Variants in B3GALT1 observed in about 807,000 individuals in gnomAD.
B3GALT1 encodes UDP-Gal:betaGlcNAc beta 1,3-galactosyltransferase, polypeptide 1.
B3GALT1 carries 10 observed loss-of-function variants against 23.2 expected under a neutral mutation model. The ratio of observed to expected loss-of-function variants is 0.43; its 90% confidence interval spans 0.27 to 0.73. The LOEUF is 0.73. B3GALT1 is among the 30% of genes least tolerant of loss of function. The pLI, the probability that B3GALT1 is intolerant of heterozygous loss-of-function variation, is 0.21. For synonymous variants in B3GALT1, 156 were observed against 141.5 expected, an observed-to-expected ratio of 1.10 and a Z score of -0.73; for missense variants, 299 against 405.4, an observed-to-expected ratio of 0.74 and a Z score of 2.25.
intron 1 of B3GALT1, among the ~76,000 whole-genome samples, chr2:167,430,582 A>G (rs534828995): frequency 3.3e-5 from 5 of 151,992 alleles, no homozygotes; most frequent in Non-Finnish European, 7.4e-5. Context: ...GAGTTTTTTG[A>G]AGTTAGAATC....
At chr2:167,296,665 A>G (rs989707546) in intron 1 of B3GALT1, among the ~76,000 whole-genome samples, 1 of 152,204 alleles carries the variant, frequency 6.6e-6, no homozygotes, top group Non-Finnish European at 1.5e-5. Flanking sequence ...GTTTATTCAA[A>G]TAACATTTAA....
At chr2:167,777,904 G>C (rs1345035278) in intron 3 of B3GALT1, among the ~76,000 whole-genome samples, 1 of 151,870 alleles carries the variant, frequency 6.6e-6, no homozygotes, top group Non-Finnish European at 1.5e-5. Context: ...AGACAGTTCT[G>C]GTTGTCACAT....
intron 3 of B3GALT1, among the ~76,000 whole-genome samples, chr2:167,668,847 C>T (rs967498118): frequency 1.3e-5 from 2 of 152,218 alleles, no homozygotes; most frequent in African/African-American, 4.8e-5. Context: ...CGCCCACTGT[C>T]TGGCACTCCC....
chr2:167,609,858 T>A (rs931937216), intron 2 of B3GALT1, among the ~76,000 whole-genome samples: 2 of 152,032 alleles, frequency 1.3e-5, no homozygotes, highest in Non-Finnish European at 2.9e-5. Context: ...ATGGTGTAAG[T>A]GCAAGCAGGA....
intron 2 of B3GALT1, among the ~76,000 whole-genome samples, chr2:167,550,674 G>T (rs919366424): frequency 6.6e-6 from 1 of 152,204 alleles, no homozygotes; most frequent in African/African-American, 2.4e-5. Context: ...ATGGAAAGTG[G>T]TGCATTTTTC....
chr2:167,469,452 T>C (rs1165837281), intron 1 of B3GALT1, among the ~76,000 whole-genome samples: 1 of 152,236 alleles, frequency 6.6e-6, no homozygotes, highest in Non-Finnish European at 1.5e-5. Flanking sequence ...TATGAAATTT[T>C]GAAATTTTAA....
chr2:167,538,158 C>T (rs373742116), intron 2 of B3GALT1, among the ~76,000 whole-genome samples: 3 of 152,028 alleles, frequency 2.0e-5, no homozygotes, highest in Non-Finnish European at 4.4e-5. Flanking sequence ...GTTCCCCCAG[C>T]GTATTACTTT....
At chr2:167,668,917 C>G (rs957234784) in intron 3 of B3GALT1, among the ~76,000 whole-genome samples, 4 of 152,212 alleles carry the variant, frequency 2.6e-5, no homozygotes, top group African/African-American at 9.6e-5. Context: ...TTCTGCGTCG[C>G]TCACGCTGGG....
At chr2:167,476,874 A>T (rs1297496311) in intron 1 of B3GALT1, among the ~76,000 whole-genome samples, 1 of 152,220 alleles carries the variant, frequency 6.6e-6, no homozygotes, top group Non-Finnish European at 1.5e-5. Context: ...CCAAATGTGA[A>T]GAAAAGAGAA....
chr2:167,573,116 G>A (rs1684324097), intron 2 of B3GALT1, among the ~76,000 whole-genome samples: 1 of 151,790 alleles, frequency 6.6e-6, no homozygotes, highest in East Asian at 1.9e-4. Flanking sequence ...GATGTGCTGA[G>A]ATAAGACAGG....
intron 3 of B3GALT1, among the ~76,000 whole-genome samples, chr2:167,708,230 G>A (rs1236957737): frequency 1.3e-5 from 2 of 152,334 alleles, no homozygotes; most frequent in Non-Finnish European, 2.9e-5. Flanking sequence ...CCTGAAGTGT[G>A]AGGAGACAGA....
At chr2:167,310,395 TGGAAGGATA>T (rs1356493893) in intron 1 of B3GALT1, among the ~76,000 whole-genome samples, 2 of 152,024 alleles carry the variant, frequency 1.3e-5, no homozygotes, top group Admixed American at 1.3e-4. Context: ...AAAACACTGA[TGGAAGGATA>T]GGAAGTGTAT....
chr2:167,869,284 T>A lies in B3GALT1; in HGVS notation c.245T>A (p.Ile82Asn). The A allele has an allele frequency of 6.2e-7, 1 of 1,614,176 alleles. No individual in the cohort carries two copies. The highest frequency in any genetic ancestry group is 8.5e-7 in the Non-Finnish European group (1 of 1,180,042). The change falls in exon 5 of 5, where the codon ATC (isoleucine) becomes AAC (asparagine). Residue 82 changes from isoleucine to asparagine, a missense_variant. Around this residue, in one of 3 missense-constraint regions of B3GALT1, gnomAD observed 162 missense variants for 184.1 expected, o/e 0.88. Transcript: ENST00000392690. This position sits in a 1 kb window ranked among gnomAD's most constrained non-coding sequence, Gnocchi z 6.4. Reference sequence around the variant, plus strand: ...GAGAAAAACATTCCTTTTCTTGTTATCCTCATCAGCACCACTCACAAGGAA... The same window carrying A: ...GAGAAAAACATTCCTTTTCTTGTTAACCTCATCAGCACCACTCACAAGGAA... ...KCEKNIPFLV[I>N]LISTTHKEFD...
chr2:167,340,549 A>C (rs1697131794), intron 1 of B3GALT1, among the ~76,000 whole-genome samples: 1 of 152,180 alleles, frequency 6.6e-6, no homozygotes, highest in African/African-American at 2.4e-5. Flanking sequence ...ACGATTTCCA[A>C]GGAAAATCAT....
At chr2:167,723,553 A>C (rs1424796559) in intron 3 of B3GALT1, among the ~76,000 whole-genome samples, 1 of 151,382 alleles carries the variant, frequency 6.6e-6, no homozygotes, top group Non-Finnish European at 1.5e-5. Context: ...TTTTGAGACA[A>C]AGTCTCACTC....
At chr2:167,416,549 G>T (rs939057392) in intron 1 of B3GALT1, among the ~76,000 whole-genome samples, 1 of 152,218 alleles carries the variant, frequency 6.6e-6, no homozygotes, top group South Asian at 2.1e-4. Flanking sequence ...GAGTGGAAAT[G>T]CGGGGTTAGA....
chr2:167,706,639 A>G (rs570048730), intron 3 of B3GALT1, among the ~76,000 whole-genome samples: 1 of 152,326 alleles, frequency 6.6e-6, no homozygotes, highest in Admixed American at 6.5e-5. Context: ...AGGAGATGAA[A>G]ACTAAAAGTG....
chr2:167,586,412 G>A (rs1242370558), intron 2 of B3GALT1, among the ~76,000 whole-genome samples: 1 of 152,126 alleles, frequency 6.6e-6, no homozygotes, highest in Non-Finnish European at 1.5e-5. Flanking sequence ...TGATTCTCCT[G>A]CCTCAGCCTC....
intron 3 of B3GALT1, among the ~76,000 whole-genome samples, chr2:167,753,121 GA>G (rs1238978519): frequency 6.6e-6 from 1 of 152,192 alleles, no homozygotes; most frequent in South Asian, 2.1e-4. Context: ...CATTGCCATG[GA>G]AACTGAGAGC....
Sources: allele counts gnomAD v4.1 joint callset (sites outside exome capture counted in the v4.1 genomes callset), GRCh38; gene constraint gnomAD v4.1.1; regional missense constraint gnomAD v4.1.1; non-coding constraint Gnocchi (gnomAD v3.1); transcripts MANE v1.5; gene names NCBI Gene and HGNC (gene_info 2026-07-23, HGNC 2026-07-21).